Variants in MFHAS1 observed in about 807,000 individuals in gnomAD.
MFHAS1 encodes the protein multifunctional ROCO family signaling regulator 1, also known as malignant fibrous histiocytoma-amplified sequence 1.
In MFHAS1, 50 loss-of-function variants were observed where a neutral mutation model predicts 70.4. That is an observed-to-expected ratio of 0.71 (90% CI 0.57 to 0.90). The LOEUF is 0.90. Ranked by LOEUF, MFHAS1 falls within the 40% of genes least tolerant of loss-of-function variation. The pLI is 0.00. For missense variants in MFHAS1, 1,795 were observed against 1,347.6 expected (o/e 1.33, Z -5.20); for synonymous variants, 952 against 620.0 (o/e 1.54, Z -7.96).
intron 2 of MFHAS1, among the ~76,000 whole-genome samples, chr8:8,796,799 T>C (rs1188659118): frequency 1.3e-5 from 2 of 148,716 alleles, no homozygotes; most frequent in Non-Finnish European, 3.0e-5. Flanking sequence ...ATCGAGATCA[T>C]CCTGGCTAAC....
intron 2 of MFHAS1, among the ~76,000 whole-genome samples, chr8:8,793,001 A>G (rs1166250528): frequency 6.6e-6 from 1 of 152,200 alleles, no homozygotes; most frequent in African/African-American, 2.4e-5. Context: ...TTTCTATCTG[A>G]TAATCAGCAA....
chr8:8,888,539 C>A (rs895261426), intron 1 of MFHAS1, among the ~76,000 whole-genome samples: 11 of 151,954 alleles, frequency 7.2e-5, no homozygotes, highest in East Asian at 1.9e-4. Flanking sequence ...CACACACACA[C>A]AAAAACAGTT....
In MFHAS1 at chr8:8,892,515, G is replaced by T. The variant is rs778259092; in HGVS notation, c.544C>A (p.Arg182Ser). 73 of 1,598,510 alleles carry T rather than the reference G, an allele frequency of 4.6e-5. 1 individual carries two copies. The highest frequency in any genetic ancestry group is 3.8e-4 in the South Asian group (34 of 89,526). The change falls in exon 1 of 3, where the codon CGC becomes AGC. Residue 182 changes from arginine to serine, a missense_variant. Arg to Ser is a moderately radical substitution (Grantham distance 110). Transcript: ENST00000276282. The surrounding 1 kb of genome is among the most constrained non-coding windows in gnomAD (Gnocchi z 4.7). ...HLPDSLSCLS[R>S]LRTLDVDHNQ... is the part of the protein sequence containing the mutation. The stretch of plus-strand genomic sequence containing the variant: ...TGATCCACGTCCAGGGTGCGCAGGC[G>T]GGAGAGGCAGGAGAGGGAGTCAGGC...
rs552605135 is a variant in MFHAS1 at position 8,842,462 on chromosome 8, A to G, written c.2999-44971T>C. Among the ~76,000 whole-genome samples the G allele has an allele frequency of 3.0e-4, 45 of 152,286 alleles. 1 individual carries two copies. The highest frequency in any genetic ancestry group is 1.0e-3 in the African/African-American group (42 of 41,576). ...CAGCCTCCCAAAGTGCTGGGATTGT[A>G]ATAGGCGTGAGCCACCATGCCCGAC... On this transcript the variant is annotated intron_variant, in intron 1 of 2. Coordinates refer to ENST00000276282, the MANE Select transcript of MFHAS1 (RefSeq NM_004225.3).
chr8:8,890,860 G>A lies in MFHAS1; in HGVS notation c.2199C>T (p.Leu733=). Residue 733 remains leucine (L), a synonymous_variant, in exon 1 of 3, where the codon CTC becomes CTT. Transcript: ENST00000276282. ...KEHVFHNLTR[L]IDILNVFFQR... is the part of the protein sequence containing the mutation. ...GGAAGAAGACATTGAGGATGTCGAT[G>A]AGGCGGGTGAGGTTGTGGAAGACGT... is the stretch of plus-strand genomic sequence containing the variant. The A allele has an allele frequency of 6.2e-7, 1 of 1,614,162 alleles. No homozygotes were observed. The highest frequency in any genetic ancestry group is 8.5e-7 in the Non-Finnish European group (1 of 1,180,044).
chr8:8,835,243 A>G (rs1012845430), intron 1 of MFHAS1, among the ~76,000 whole-genome samples: 5 of 152,198 alleles, frequency 3.3e-5, no homozygotes, highest in African/African-American at 1.2e-4. Flanking sequence ...CATAGAATCT[A>G]TCACACACTT....
chr8:8,843,410 C>T (rs1021346872), intron 1 of MFHAS1, among the ~76,000 whole-genome samples: 3 of 152,066 alleles, frequency 2.0e-5, no homozygotes, highest in African/African-American at 7.2e-5. Context: ...ATTTCAAGAC[C>T]CCATCTCTAC....
At chr8:8,885,837 G>T (rs1809731132) in intron 1 of MFHAS1, among the ~76,000 whole-genome samples, 1 of 152,176 alleles carries the variant, frequency 6.6e-6, no homozygotes, top group South Asian at 2.1e-4. Flanking sequence ...ATTCTTCCCA[G>T]GAGCTGGGAT....
Position 8,893,140 on chromosome 8 carries a change from C to A in MFHAS1, c.-82G>T. On this transcript the variant is annotated 5_prime_UTR_variant, in exon 1 of 3. An upstream open reading frame in the 5' UTR gains an earlier in-frame stop. Transcript: ENST00000276282. The stretch of plus-strand genomic sequence containing the variant: ...GCGCCGCGCCCCGGGCCCTCCGGCT[C>A]CTGCCCCTGCCTGCCCTCCCGCGCT... 1 of 875,100 alleles carries A rather than the reference C, an allele frequency of 1.1e-6. No individual in the cohort carries two copies. Among genetic ancestry groups the A allele is most frequent in the South Asian group, 4.6e-5 (1 of 21,742 alleles). 54.2% of individuals were successfully genotyped at this position (875,100 alleles called of 1,614,324 possible). A position where few individuals can be genotyped will look rare whatever the true frequency, so the allele number is the denominator to read the frequency against.
intron 1 of MFHAS1, among the ~76,000 whole-genome samples, chr8:8,804,464 G>A (rs1328701214): frequency 3.3e-5 from 5 of 152,190 alleles, no homozygotes; most frequent in South Asian, 2.1e-4. Flanking sequence ...TGAAGCTTTG[G>A]AAACCATTTG....
At chr8:8,822,883 T>C (rs552293084) in intron 1 of MFHAS1, among the ~76,000 whole-genome samples, 7 of 152,034 alleles carry the variant, frequency 4.6e-5, no homozygotes, top group African/African-American at 1.7e-4. Context: ...AGGGACCAAG[T>C]CAGGGAAACT....
chr8:8,792,278 C>A (rs556665622), intron 2 of MFHAS1, among the ~76,000 whole-genome samples: 7 of 108,360 alleles, frequency 6.5e-5, no homozygotes, highest in African/African-American at 2.6e-4. Flanking sequence ...AACACACCAG[C>A]CTGCAAAACC....
intron 1 of MFHAS1, among the ~76,000 whole-genome samples, chr8:8,855,144 G>C (rs922187450): frequency 6.6e-6 from 1 of 152,130 alleles, no homozygotes; most frequent in African/African-American, 2.4e-5. Context: ...TGTTGAGAGA[G>C]GTCTCGCCAT....
chr8:8,853,618 G>A (rs934443873), intron 1 of MFHAS1, among the ~76,000 whole-genome samples: 1 of 152,160 alleles, frequency 6.6e-6, no homozygotes, highest in Non-Finnish European at 1.5e-5. Flanking sequence ...CCAGGCTGGA[G>A]TGCAATGGCG....
intron 1 of MFHAS1, among the ~76,000 whole-genome samples, chr8:8,880,916 C>G (rs1217981006): frequency 6.6e-6 from 1 of 152,050 alleles, no homozygotes; most frequent in Non-Finnish European, 1.5e-5. Flanking sequence ...AACTCCTGAC[C>G]TCAAGTGATC....
chr8:8,800,357 G>A (rs974323808), intron 1 of MFHAS1, among the ~76,000 whole-genome samples: 3 of 152,174 alleles, frequency 2.0e-5, no homozygotes, highest in Non-Finnish European at 4.4e-5. Context: ...ATATAAAAAT[G>A]CAAGTTAAAA....
At chr8:8,836,005 G>A (rs1330492495) in intron 1 of MFHAS1, among the ~76,000 whole-genome samples, 3 of 152,206 alleles carry the variant, frequency 2.0e-5, no homozygotes, top group South Asian at 2.1e-4. Context: ...CCTGCGAAGC[G>A]AGAAATAATT....
At chr8:8,828,559 T>C (rs1807249997) in intron 1 of MFHAS1, among the ~76,000 whole-genome samples, 1 of 152,096 alleles carries the variant, frequency 6.6e-6, no homozygotes, top group African/African-American at 2.4e-5. Context: ...GAGCCTGCAA[T>C]TCAGTTTCAG....
At chr8:8,862,214 C>T (rs1808693206) in intron 1 of MFHAS1, among the ~76,000 whole-genome samples, 1 of 152,144 alleles carries the variant, frequency 6.6e-6, no homozygotes, top group Non-Finnish European at 1.5e-5. Context: ...TCTTTTTCAT[C>T]TTAGCCACTC....
Sources: gnomAD v4.1 joint callset for allele counts (sites outside exome capture counted in the v4.1 genomes callset) on GRCh38, gnomAD v4.1.1 for gene constraint, Gnocchi (gnomAD v3.1) non-coding constraint, MANE v1.5 for transcripts, NCBI Gene and HGNC (gene_info 2026-07-23, HGNC 2026-07-21) for gene names.